Variants in GAPDHS observed in about 807,000 individuals in gnomAD.
The protein encoded by GAPDHS is glyceraldehyde-3-phosphate dehydrogenase, spermatogenic.
In GAPDHS, 42 loss-of-function variants were observed where a neutral mutation model predicts 48.7. The ratio of observed to expected loss-of-function variants is 0.86; its 90% CI spans 0.67 to 1.12. GAPDHS has a LOEUF of 1.12. Among genes scored for constraint, GAPDHS ranks in the 50% most tolerant of loss-of-function variants. The probability of loss-of-function intolerance (pLI) is 0.00; values close to 1 mark genes in which losing one functional copy is unlikely to be tolerated. For synonymous variants in GAPDHS, 166 were observed against 219.1 expected (o/e 0.76, Z 2.14); for missense variants, 512 against 557.7 (o/e 0.92, Z 0.82).
Position 35,533,592 on chromosome 19 carries a change from C to T in GAPDHS, c.65C>T (p.Pro22Leu). The T allele has an allele frequency of 1.9e-6, 3 of 1,610,500 alleles. No homozygotes were observed. Among genetic ancestry groups the T allele is most frequent in the Non-Finnish European group, 2.5e-6 (3 of 1,178,642 alleles). ...GTCCAGTTGCTGCGACAGCCGTGCC[C>T]GGGTGAGGGAGGCAGCGGAGGGCGC... ...TVVQLLRQPC[P>L]VTRAPPPPEP... The change falls in exon 1 of 11, where the codon CCG becomes CTG. Residue 22 changes from proline (P) to leucine (L), a missense_variant and splice_region_variant. Transcript: ENST00000222286.
chr19:35,535,477 T>C (rs62113964), intron 1 of GAPDHS, among the ~76,000 whole-genome samples: 22,008 of 150,520 alleles, frequency 0.15, 1,706 homozygotes, highest in South Asian at 0.18. Flanking sequence ...CTCCGCCTCC[T>C]GGGTTCAAGC....
At chr19:35,544,083 T>G (rs1217943825) in intron 9 of GAPDHS, 3 of 466,258 alleles carry the variant, frequency 6.4e-6, no homozygotes, top group Non-Finnish European at 1.1e-5. Flanking sequence ...CCCCTCAAAA[T>G]ATGTTCTTTT....
Position 35,544,897 on chromosome 19 carries a change from T to C in GAPDHS, c.1057-12T>C, listed in dbSNP as rs775724851. 7 of 1,577,160 alleles carry C rather than the reference T, an allele frequency of 4.4e-6. No homozygotes were observed. The highest frequency in any genetic ancestry group is 6.1e-6 in the Non-Finnish European group (7 of 1,146,258). On this transcript the variant is annotated splice_polypyrimidine_tract_variant and intron_variant, in intron 9 of 10. Transcript: ENST00000222286. ...TGCCGGACACACTTATCTTTGAAAT[T>C]CTGACTTCCAGGTCGTCTCTACGGA...
intron 4 of GAPDHS, 61 bp from the exon 5 acceptor site, chr19:35,542,258 T>C (rs1352797118): frequency 2.6e-6 from 3 of 1,147,704 alleles, no homozygotes; most frequent in Admixed American, 3.4e-5. Flanking sequence ...GTGAAAGCCA[T>C]GGACTATGAA....
chr19:35,539,936 T>C (rs982159342), intron 4 of GAPDHS, among the ~76,000 whole-genome samples: 1 of 152,174 alleles, frequency 6.6e-6, no homozygotes, highest in Non-Finnish European at 1.5e-5. Flanking sequence ...AGGTCTTGCC[T>C]TCTCTGGTCA....
chr19:35,538,862 G>T lies in GAPDHS; in HGVS notation c.449+179G>T, dbSNP rs117693700. On this transcript the variant is annotated intron_variant, in intron 4 of 10. Transcript: ENST00000222286. ...GTCTCAGGTCCTTCACCCCTAAAAT[G>T]ATTAAGAAGCACTAATCTAAAAAGA... Among the ~76,000 whole-genome samples the T allele has an allele frequency of 4.3e-4, 66 of 152,300 alleles. No individual in the cohort carries two copies. The East Asian group carries it at 0.011, about 25-fold the overall frequency.
At chr19:35,537,530 T>A (rs1002428514) in intron 2 of GAPDHS, among the ~76,000 whole-genome samples, 1 of 152,134 alleles carries the variant, frequency 6.6e-6, no homozygotes, top group East Asian at 1.9e-4. Flanking sequence ...GGAGTGTGGA[T>A]CTTGTTTTAC....
intron 9 of GAPDHS, 188 bp from the exon 10 acceptor site, chr19:35,544,721 C>G: frequency 1.6e-6 from 1 of 613,982 alleles, no homozygotes; most frequent in South Asian, 1.9e-5. Flanking sequence ...TGGCCAGACC[C>G]TGACACAGTG....
At chr19:35,533,780 T>A (rs1208527399) in intron 1 of GAPDHS, among the ~76,000 whole-genome samples, 186 bp downstream of exon 1, 1 of 152,164 alleles carries the variant, frequency 6.6e-6, no homozygotes, top group South Asian at 2.1e-4. Context: ...TTTACTGCCA[T>A]GGCGGGGAGA....
intron 7 of GAPDHS, 115 bp downstream of exon 7, chr19:35,543,141 C>T: frequency 2.0e-6 from 2 of 979,072 alleles, no homozygotes; most frequent in East Asian, 2.5e-5. Flanking sequence ...GGAGGAGAGG[C>T]CCACCAGTGC....
chr19:35,545,173 C>A lies in GAPDHS; in HGVS notation c.*3C>A. On this transcript the variant is annotated 3_prime_UTR_variant, in exon 11 of 11. Transcript: ENST00000222286. ...ACATGTTCAGCCGAGACAAGTGAAA[C>A]GGGAAGGTCCTTTCTTTCCTTCCCA... 7 of 1,610,844 alleles carry A rather than the reference C, an allele frequency of 4.3e-6. No individual in the cohort carries two copies. The highest frequency in any genetic ancestry group is 5.1e-6 in the Non-Finnish European group (6 of 1,176,980).
chr19:35,533,735 C>A, intron 1 of GAPDHS, 141 bp downstream of exon 1: 1 of 605,092 alleles, frequency 1.7e-6, no homozygotes, highest in Non-Finnish European at 2.8e-6. Flanking sequence ...CGCTCTCCCT[C>A]CCTCCACACC....
Position 35,534,510 on chromosome 19 carries a change from C to T in GAPDHS, c.67+916C>T, listed in dbSNP as rs191551713. Among the ~76,000 whole-genome samples the T allele has an allele frequency of 1.1e-4, 17 of 152,270 alleles. No individual in the cohort carries two copies. In the East Asian group the frequency reaches 2.7e-3, roughly 24 times the overall value. The stretch of plus-strand genomic sequence containing the variant: ...GGACGCAGTGAGGAGCTGGGGGCAG[C>T]ACCCAGCTAGCCCCCAGGCTTTTCT... On this transcript the variant is annotated intron_variant, in intron 1 of 10. Transcript: ENST00000222286.
intron 7 of GAPDHS, 127 bp downstream of exon 7, chr19:35,543,153 G>C: frequency 1.0e-6 from 1 of 962,422 alleles, no homozygotes; most frequent in South Asian, 1.4e-5. Context: ...CACCAGTGCA[G>C]AAGTCACTTA....
At chr19:35,536,504 A>T (rs1196283232) in intron 1 of GAPDHS, among the ~76,000 whole-genome samples, 1 of 151,710 alleles carries the variant, frequency 6.6e-6, no homozygotes, top group Non-Finnish European at 1.5e-5. Context: ...TGAACCCAGG[A>T]GGCGGAGGTT....
intron 3 of GAPDHS, 53 bp from the exon 4 acceptor site, chr19:35,538,524 T>C (rs1388413449): frequency 1.5e-6 from 2 of 1,312,056 alleles, no homozygotes; most frequent in Non-Finnish European, 2.2e-6. Flanking sequence ...GGGGACTCTC[T>C]AGGGATCCTC....
rs376804618 is a variant in GAPDHS, at chr19:35,538,696, T to C, written c.449+13T>C. The C allele has an allele frequency of 2.8e-6, 4 of 1,431,388 alleles. No individual in the cohort carries two copies. The highest frequency in any genetic ancestry group is 2.8e-5 in the African/African-American group (2 of 71,454). The allele number at this position is 1,431,388 out of a possible 1,614,324, so 88.7% of individuals were successfully genotyped here. A position where few individuals can be genotyped will look rare whatever the true frequency, so the allele number is the denominator to read the frequency against. On this transcript the variant is annotated intron_variant, in intron 4 of 10. Coordinates refer to ENST00000222286, the MANE Select transcript of GAPDHS (RefSeq NM_014364.5). ...CTGTCTACCAGTGGTAAGGAAAGCATCTGTCTGATGCACGGCTGTGACATA... is the reference window on the plus strand; with the variant it reads ...CTGTCTACCAGTGGTAAGGAAAGCACCTGTCTGATGCACGGCTGTGACATA...
intron 6 of GAPDHS, 52 bp downstream of exon 6, chr19:35,542,660 C>T: frequency 8.5e-7 from 1 of 1,181,202 alleles, no homozygotes; most frequent in Non-Finnish European, 1.3e-6. Context: ...GTAGACTCGT[C>T]CTCCCCACCC....
At chr19:35,536,756 T>C in intron 1 of GAPDHS, 57 bp from the exon 2 acceptor site, 1 of 1,421,006 alleles carries the variant, frequency 7.0e-7, no homozygotes, top group Non-Finnish European at 9.7e-7. Flanking sequence ...GCAAAGACAG[T>C]TTGTTCTCTT....
Sources: gnomAD v4.1 joint callset for allele counts (sites outside exome capture counted in the v4.1 genomes callset) on GRCh38, gnomAD v4.1.1 for gene constraint, MANE v1.5 for transcripts, NCBI Gene and HGNC (gene_info 2026-07-23, HGNC 2026-07-21) for gene names.